Variants in SUMF1 observed in about 807,000 individuals in gnomAD.
SUMF1 encodes the protein sulfatase modifying factor 1.
In SUMF1, 48 loss-of-function variants were observed where a neutral mutation model predicts 47.6. That is an observed-to-expected ratio of 1.01 (90% CI 0.80 to 1.28). SUMF1 has a LOEUF of 1.28. Among genes scored for constraint, SUMF1 ranks in the 50% most tolerant of loss-of-function variants. The pLI is 0.00. For missense variants in SUMF1, 571 were observed against 485.4 expected (o/e 1.18, Z -1.66); for synonymous variants, 230 against 192.1 (o/e 1.20, Z -1.63).
chr3:4,410,743 A>T, intron 7 of SUMF1, 122 bp downstream of exon 7: 1 of 885,382 alleles, frequency 1.1e-6, no homozygotes, highest in South Asian at 1.3e-5. Context: ...CTTTAGGGAA[A>T]TCCCAAGATT....
At chr3:4,035,758 G>A (rs911490314) in intron 9 of SUMF1, among the ~76,000 whole-genome samples, 3 of 152,126 alleles carry the variant, frequency 2.0e-5, no homozygotes, top group Admixed American at 6.6e-5. Context: ...ATATTTTGTA[G>A]GGTTGTTGTG....
intron 3 of SUMF1, among the ~76,000 whole-genome samples, chr3:4,439,485 C>CA (rs1702508479): frequency 6.6e-6 from 1 of 151,952 alleles, no homozygotes; most frequent in South Asian, 2.1e-4. Flanking sequence ...GAGATTACAC[C>CA]ACTGAACTCC....
At chr3:4,324,163 A>C (rs1698894975) in intron 8 of SUMF1, among the ~76,000 whole-genome samples, 1 of 152,144 alleles carries the variant, frequency 6.6e-6, no homozygotes, top group African/African-American at 2.4e-5. Context: ...CATACATTTC[A>C]TGGTTTGTTT....
intron 8 of SUMF1, among the ~76,000 whole-genome samples, chr3:4,287,876 A>C (rs1575054753): frequency 1.3e-5 from 2 of 152,238 alleles, no homozygotes; most frequent in South Asian, 4.1e-4. Context: ...TAAATTAGTA[A>C]ATCTTCCAAT....
At chr3:4,068,430 T>A (rs1287595839) in intron 9 of SUMF1, 2 of 159,374 alleles carry the variant, frequency 1.3e-5, no homozygotes. Context: ...ACAATGATAG[T>A]AATTTTAATA....
intron 8 of SUMF1, among the ~76,000 whole-genome samples, chr3:4,174,596 A>G (rs891565462): frequency 4.6e-5 from 7 of 152,030 alleles, no homozygotes; most frequent in Non-Finnish European, 7.4e-5. Context: ...GAACAGCTCC[A>G]ATCTGCAGCT....
chr3:4,281,147 T>A (rs1697521455), intron 8 of SUMF1, among the ~76,000 whole-genome samples: 1 of 151,974 alleles, frequency 6.6e-6, no homozygotes, highest in Admixed American at 6.6e-5. Context: ...ACTGCACAGA[T>A]AAGAAGAGCA....
chr3:4,237,098 T>C (rs1172237382), intron 8 of SUMF1, among the ~76,000 whole-genome samples: 1 of 152,172 alleles, frequency 6.6e-6, no homozygotes, highest in Non-Finnish European at 1.5e-5. Flanking sequence ...AGCTAAATAA[T>C]ATCACATCAT....
chr3:4,378,168 G>A (rs1700388867), intron 7 of SUMF1, among the ~76,000 whole-genome samples: 1 of 152,136 alleles, frequency 6.6e-6, no homozygotes, highest in South Asian at 2.1e-4. Context: ...TCACAGCTTA[G>A]CCTAGCCTAC....
intron 1 of SUMF1, among the ~76,000 whole-genome samples, chr3:4,465,324 A>T (rs1265153928): frequency 6.6e-6 from 1 of 152,086 alleles, no homozygotes; most frequent in East Asian, 1.9e-4. Flanking sequence ...AAAATACAAA[A>T]ATTAGCTGGG....
intron 9 of SUMF1, among the ~76,000 whole-genome samples, chr3:4,054,749 A>C (rs1303665415): frequency 6.6e-6 from 1 of 152,186 alleles, no homozygotes; most frequent in Non-Finnish European, 1.5e-5. Flanking sequence ...ATAAATAAAC[A>C]ACTACAGTAA....
chr3:4,370,261 T>C (rs1700129479), intron 8 of SUMF1, among the ~76,000 whole-genome samples: 1 of 152,176 alleles, frequency 6.6e-6, no homozygotes, highest in African/African-American at 2.4e-5. Context: ...ATGATGTCTT[T>C]GGGGTAACTG....
chr3:4,121,031 C>G (rs1292195898), intron 8 of SUMF1, among the ~76,000 whole-genome samples: 1 of 152,128 alleles, frequency 6.6e-6, no homozygotes, highest in Non-Finnish European at 1.5e-5. Flanking sequence ...GAAGAACTTA[C>G]TTTACCGGAT....
chr3:4,053,720 C>T (rs1039761823), intron 9 of SUMF1, among the ~76,000 whole-genome samples: 2 of 152,034 alleles, frequency 1.3e-5, no homozygotes, highest in Non-Finnish European at 2.9e-5. Context: ...GGAAATTAAT[C>T]TTATTAAGTA....
intron 7 of SUMF1, among the ~76,000 whole-genome samples, chr3:4,397,095 T>A (rs1701062400): frequency 6.6e-6 from 1 of 152,230 alleles, no homozygotes; most frequent in South Asian, 2.1e-4. Flanking sequence ...ATGCAGGTGG[T>A]TCTTTAACTT....
At chr3:4,381,702 A>G (rs1700509480) in intron 7 of SUMF1, among the ~76,000 whole-genome samples, 1 of 152,230 alleles carries the variant, frequency 6.6e-6, no homozygotes, top group African/African-American at 2.4e-5. Context: ...TGTTCTTTAT[A>G]GAGGAATTCC....
chr3:4,359,212 A>G (rs140713104), downstream of SUMF1, among the ~76,000 whole-genome samples: 83 of 152,298 alleles, frequency 5.4e-4, no homozygotes, highest in African/African-American at 1.9e-3. Flanking sequence ...TCCATAGTTT[A>G]GGGTACTCTT....
At chr3:4,056,968 G>C (rs7615905) in intron 9 of SUMF1, among the ~76,000 whole-genome samples, 55 of 151,550 alleles carry the variant, frequency 3.6e-4, no homozygotes, top group African/African-American at 1.3e-3. Flanking sequence ...GGATGGTCTC[G>C]ATCTCCTGAC....
chr3:4,393,571 G>A (rs1486908365), intron 7 of SUMF1, among the ~76,000 whole-genome samples: 1 of 152,040 alleles, frequency 6.6e-6, no homozygotes, highest in Non-Finnish European at 1.5e-5. Context: ...GGCCTCAAGA[G>A]ATCATCCCAC....
Sources: allele counts gnomAD v4.1 joint callset (sites outside exome capture counted in the v4.1 genomes callset), GRCh38; gene constraint gnomAD v4.1.1; transcripts MANE v1.5; gene names NCBI Gene and HGNC (gene_info 2026-07-23, HGNC 2026-07-21).